The following TNFAIP8 variants were observed in gnomAD, a reference collection of about 807,000 sequenced individuals.
TNFAIP8 encodes the protein tumor necrosis factor alpha-induced protein 8.
Under a neutral mutation model 13.3 loss-of-function variants are expected in TNFAIP8, and 7 were observed. The ratio of observed to expected loss-of-function variants is 0.52; its 90% confidence interval spans 0.30 to 0.99. The LOEUF is 0.99. Ranked by LOEUF, TNFAIP8 falls within the 50% of genes least tolerant of loss-of-function variation. The pLI, the probability that TNFAIP8 is intolerant of heterozygous loss-of-function variation, is 0.07. For missense variants in TNFAIP8, 258 were observed against 236.9 expected (o/e 1.09, Z -0.58); for synonymous variants, 94 against 87.6 (o/e 1.07, Z -0.41).
At chr5:119,352,743 T>C (rs1198602490), upstream of TNFAIP8, among the ~76,000 whole-genome samples, 1 of 151,942 alleles carries the variant, frequency 6.6e-6, no homozygotes, top group Non-Finnish European at 1.5e-5. Context: ...TAAGGCATAA[T>C]TTGGAAAGAG....
chr5:119,311,949 C>T (rs1581595197), intron 1 of TNFAIP8, among the ~76,000 whole-genome samples: 3 of 152,176 alleles, frequency 2.0e-5, no homozygotes. Flanking sequence ...CTAAGGTTAA[C>T]TTTGTTGCAG....
rs1277788506 is a variant in TNFAIP8 at position 119,356,166 on chromosome 5, G to A, written c.31+45G>A. 23 of 1,513,602 alleles carry A rather than the reference G, an allele frequency of 1.5e-5. No individual in the cohort carries two copies. In the Admixed American group the frequency reaches 4.4e-4, roughly 29 times the overall value. The allele number at this position is 1,513,602 out of a possible 1,614,324, so 93.8% of individuals were successfully genotyped here. ...TGGGGGCCGGCCAAGTTCTGCGGAGGAATTTGGAGGAAGGCAGTGGTAGAA... is the reference window on the plus strand; with the variant it reads ...TGGGGGCCGGCCAAGTTCTGCGGAGAAATTTGGAGGAAGGCAGTGGTAGAA... On this transcript the variant is annotated intron_variant, in intron 1 of 1. Transcript: ENST00000504771.
chr5:119,378,501 T>G (rs1752365864), intron 1 of TNFAIP8, among the ~76,000 whole-genome samples: 1 of 152,206 alleles, frequency 6.6e-6, no homozygotes, highest in African/African-American at 2.4e-5. Flanking sequence ...GGAAAAATTG[T>G]GACAAGAATG....
chr5:119,369,931 G>A (rs971516811), intron 1 of TNFAIP8, among the ~76,000 whole-genome samples: 1 of 152,078 alleles, frequency 6.6e-6, no homozygotes, highest in Admixed American at 6.5e-5. Flanking sequence ...GCTCTAATGG[G>A]GTCACTTCTT....
In TNFAIP8 at chr5:119,301,252, C is replaced by G. The variant is rs1473309232; in HGVS notation, c.1+32345C>G. On this transcript the variant is annotated intron_variant, in intron 1 of 1. Transcript: ENST00000274456. ...TTCCTTCATGCTGTTTTTCTATCCTCCCTTCTATTGTTCCCCATTGGGCAC... is the reference window on the plus strand; with the variant it reads ...TTCCTTCATGCTGTTTTTCTATCCTGCCTTCTATTGTTCCCCATTGGGCAC... Among the ~76,000 whole-genome samples the G allele has an allele frequency of 4.6e-5, 7 of 152,304 alleles. No individual in the cohort carries two copies. The South Asian group carries it at 1.5e-3, about 32-fold the overall frequency.
chr5:119,371,615 C>G (rs577379104), intron 1 of TNFAIP8, among the ~76,000 whole-genome samples: 1 of 65,374 alleles, frequency 1.5e-5, no homozygotes, highest in South Asian at 4.4e-4. Flanking sequence ...ATTCAAAAGA[C>G]TTGAATTCAT....
intron 1 of TNFAIP8, among the ~76,000 whole-genome samples, chr5:119,390,056 A>C (rs1025619620): frequency 1.3e-5 from 2 of 152,234 alleles, no homozygotes; most frequent in Non-Finnish European, 2.9e-5. Context: ...TGTAAACATG[A>C]AAGTCCAGTC....
intron 1 of TNFAIP8, among the ~76,000 whole-genome samples, chr5:119,370,756 C>G (rs945844732): frequency 6.6e-6 from 1 of 152,196 alleles, no homozygotes. Flanking sequence ...CATTCTTTAC[C>G]CTCCATCAGA....
At chr5:119,327,779 G>A (rs1365778880) in intron 1 of TNFAIP8, among the ~76,000 whole-genome samples, 1 of 152,212 alleles carries the variant, frequency 6.6e-6, no homozygotes, top group East Asian at 1.9e-4. Context: ...AAGCTTTACA[G>A]CAACCCTAGG....
At chr5:119,365,668 A>G (rs1426609698) in intron 1 of TNFAIP8, among the ~76,000 whole-genome samples, 2 of 152,220 alleles carry the variant, frequency 1.3e-5, no homozygotes, top group Non-Finnish European at 2.9e-5. Flanking sequence ...ATAGCAAAAT[A>G]TTAGTGCACT....
At chr5:119,284,203 C>T (rs141950157) in intron 1 of TNFAIP8, among the ~76,000 whole-genome samples, 30 of 152,200 alleles carry the variant, frequency 2.0e-4, no homozygotes, top group African/African-American at 5.3e-4. Flanking sequence ...TGTTCAAATC[C>T]GGTGGTTTCT....
Position 119,304,452 on chromosome 5 carries a change from TCTAAA to T in TNFAIP8, c.1+35552_1+35556del, listed in dbSNP as rs1329084472. Among the ~76,000 whole-genome samples, 4 of 152,344 alleles carry T rather than the reference TCTAAA, an allele frequency of 2.6e-5. No individual in the cohort carries two copies. In the South Asian group the frequency reaches 8.3e-4, roughly 32 times the overall value. On this transcript the variant is annotated intron_variant, in intron 1 of 1. Transcript: ENST00000274456. The stretch of plus-strand genomic sequence containing the variant: ...TTGCCATTCTGAACTGTTTCTTACC[TCTAAA>T]CTAAACACACAATTCCCTATAATGG...
At position 119,380,129 on chromosome 5, in the gene TNFAIP8, G is replaced by A. The variant is rs1489199483; in HGVS notation, c.32-12687G>A. Among the ~76,000 whole-genome samples the A allele has an allele frequency of 3.3e-5, 5 of 152,358 alleles. No homozygotes were observed. The East Asian group carries it at 9.6e-4, about 29-fold the overall frequency. Reference sequence around the variant, plus strand: ...CTTAGATAAGTCACTTGACTTCTGAGCCTCACTTCTCTTATCTGGGTCCCC... The same window carrying A: ...CTTAGATAAGTCACTTGACTTCTGAACCTCACTTCTCTTATCTGGGTCCCC... On this transcript the variant is annotated intron_variant, in intron 1 of 1. Transcript: ENST00000504771.
At chr5:119,361,057 A>T (rs1433105032) in intron 1 of TNFAIP8, among the ~76,000 whole-genome samples, 1 of 152,082 alleles carries the variant, frequency 6.6e-6, no homozygotes, top group East Asian at 1.9e-4. Context: ...TTCCTTGGGG[A>T]GAAGGTATGT....
At chr5:119,375,215 A>G (rs1215247403) in intron 1 of TNFAIP8, among the ~76,000 whole-genome samples, 1 of 152,220 alleles carries the variant, frequency 6.6e-6, no homozygotes, top group Non-Finnish European at 1.5e-5. Flanking sequence ...GTGATTGGGA[A>G]TTAATGGGGG....
chr5:119,398,395 G>C lies in TNFAIP8; in HGVS notation c.*5014G>C, dbSNP rs1753121650. The C allele has an allele frequency of 6.6e-6, 1 of 152,122 alleles. No individual in the cohort carries two copies. The highest frequency in any genetic ancestry group is 1.5e-5 in the Non-Finnish European group (1 of 68,032). 9.4% of individuals were successfully genotyped at this position (152,122 alleles called of 1,614,324 possible). On this transcript the variant is annotated 3_prime_UTR_variant, in exon 2 of 2. Transcript: ENST00000504771. ...CAGATGAATTCATTCGTTTAAAACTGCCAGGCTGAGTGCGGTGGCTCATGC... is the reference window on the plus strand; with the variant it reads ...CAGATGAATTCATTCGTTTAAAACTCCCAGGCTGAGTGCGGTGGCTCATGC...
At chr5:119,312,637 G>A (rs982054494) in intron 1 of TNFAIP8, among the ~76,000 whole-genome samples, 5 of 150,690 alleles carry the variant, frequency 3.3e-5, no homozygotes, top group South Asian at 2.1e-4. Flanking sequence ...GGTGGCTCAC[G>A]TGTGAAATCC....
Position 119,338,165 on chromosome 5 carries a change from GACACAC to G in TNFAIP8, c.2-54610_2-54605del, listed in dbSNP as rs367789572. 4.7e-3 allele frequency among the ~76,000 whole-genome samples: 586 copies of G among 125,240 alleles called. 1 individual carries two copies. The highest frequency in any genetic ancestry group is 6.3e-3 in the Non-Finnish European group (377 of 59,854). The allele number at this position is 125,240 out of a possible 152,430, so 82.2% of individuals were successfully genotyped here. On this transcript the variant is annotated intron_variant, in intron 1 of 1. Transcript: ENST00000274456. Reference sequence around the variant, plus strand: ...ATTCCAGATTGGAATCTGGAACTTTGACACACACACACACACACACACACACACACA... The same window carrying G: ...ATTCCAGATTGGAATCTGGAACTTTGACACACACACACACACACACACACA...
intron 1 of TNFAIP8, among the ~76,000 whole-genome samples, chr5:119,388,867 G>C (rs6888463): frequency 0.71 from 107,046 of 150,838 alleles, 38,167 homozygotes; most frequent in African/African-American, 0.78. Context: ...TGGTCTCAAA[G>C]TCCTGGGCTC....
Sources: allele counts gnomAD v4.1 joint callset (sites outside exome capture counted in the v4.1 genomes callset), GRCh38; gene constraint gnomAD v4.1.1; transcripts MANE v1.5; gene names NCBI Gene and HGNC (gene_info 2026-07-23, HGNC 2026-07-21).